Variants in BCR observed in about 807,000 individuals in gnomAD.
BCR encodes breakpoint cluster region protein.
In BCR, 58 loss-of-function variants were observed where a neutral mutation model predicts 138.6. The ratio of observed to expected loss-of-function variants is 0.42; its 90% CI spans 0.34 to 0.52. The LOEUF (loss-of-function observed/expected upper bound fraction) is 0.52. BCR is among the 20% of genes least tolerant of loss of function. The pLI is 0.06. For synonymous variants in BCR, 786 were observed against 730.1 expected (o/e 1.08, Z -1.23); for missense variants, 1,599 against 1,727.2 (o/e 0.93, Z 1.32).
At chr22:23,298,344 A>T (rs1299541717) in intron 16 of BCR, among the ~76,000 whole-genome samples, 2 of 152,130 alleles carry the variant, frequency 1.3e-5, no homozygotes, top group Non-Finnish European at 2.9e-5. Flanking sequence ...ACTTAGCAGG[A>T]TTCTTGCAAA....
intron 1 of BCR, among the ~76,000 whole-genome samples, chr22:23,194,351 T>A (rs1407036943): frequency 6.6e-6 from 1 of 152,048 alleles, no homozygotes; most frequent in Non-Finnish European, 1.5e-5. Context: ...CTCATGCTTG[T>A]AATTCCAGCA....
intron 1 of BCR, among the ~76,000 whole-genome samples, chr22:23,206,535 C>G (rs2072616106): frequency 6.6e-6 from 1 of 151,524 alleles, no homozygotes; most frequent in Admixed American, 6.6e-5. Context: ...CGAGATTGTG[C>G]CACTGCACTC....
intron 7 of BCR, 73 bp downstream of exon 7, chr22:23,273,206 A>G: frequency 6.6e-7 from 1 of 1,512,506 alleles, no homozygotes; most frequent in Non-Finnish European, 9.1e-7. Context: ...ATGTTCTGAG[A>G]CCTTTTTTTA....
chr22:23,300,688 A>G (rs1044851235), intron 16 of BCR, among the ~76,000 whole-genome samples: 1 of 152,128 alleles, frequency 6.6e-6, no homozygotes, highest in African/African-American at 2.4e-5. Context: ...TGCCACCAGG[A>G]GGGCCCCAGT....
chr22:23,280,974 G>C (rs969320364), intron 8 of BCR, among the ~76,000 whole-genome samples: 19 of 152,340 alleles, frequency 1.2e-4, no homozygotes, highest in South Asian at 4.1e-4. Flanking sequence ...CACACACACA[G>C]AAACATGGAG....
rs372115084 is a variant in BCR at position 23,211,291 on chromosome 22, G to A, written c.1279+29052G>A. Among the ~76,000 whole-genome samples the A allele has an allele frequency of 3.3e-3, 497 of 152,054 alleles. 4 individuals carry two copies. Among genetic ancestry groups the A allele is most frequent in the African/African-American group, 0.011 (470 of 41,470 alleles). ...CGGCTCACTGCAAGCTCCGCCTCCC[G>A]GGTTCACACCATTCTCCTGCCTCAG... On this transcript the variant is annotated intron_variant, in intron 1 of 22. Coordinates refer to ENST00000305877, the MANE Select transcript of BCR (RefSeq NM_004327.4).
intron 15 of BCR, among the ~76,000 whole-genome samples, chr22:23,293,951 G>A (rs1285902592): frequency 6.6e-6 from 1 of 152,210 alleles, no homozygotes; most frequent in African/African-American, 2.4e-5. Context: ...GGGTGATGGA[G>A]GAGAGAGTTA....
chr22:23,260,062 C>T (rs1484232950), intron 2 of BCR, among the ~76,000 whole-genome samples: 1 of 152,190 alleles, frequency 6.6e-6, no homozygotes, highest in South Asian at 2.1e-4. Flanking sequence ...CCTTCAGATA[C>T]GGTAACGTTC....
Position 23,289,423 on chromosome 22 carries a change from C to T in BCR, c.2603-94C>T, listed in dbSNP as rs113204703. 2.3e-5 allele frequency: 25 copies of T among 1,088,220 alleles called. No individual in the cohort carries two copies. The South Asian group carries it at 2.6e-4, about 11-fold the overall frequency. The allele number at this position is 1,088,220 out of a possible 1,614,324, so 67.4% of individuals were successfully genotyped here. ...CCTGGCACCAGTTCTTGCCGTGCCC[C>T]TTCCCCAGGGTGTGTGGTGGAGGTC... On this transcript the variant is annotated intron_variant, in intron 12 of 22. Transcript: ENST00000305877.
At chr22:23,310,772 GT>G (rs1028505224) in intron 18 of BCR, among the ~76,000 whole-genome samples, 13 of 152,338 alleles carry the variant, frequency 8.5e-5, no homozygotes, top group African/African-American at 2.9e-4. Flanking sequence ...AGAGAAGCCT[GT>G]TTGGTTTGAG....
intron 4 of BCR, chr22:23,262,995 G>A: frequency 1.1e-6 from 1 of 886,482 alleles, no homozygotes; most frequent in Non-Finnish European, 1.6e-6. Flanking sequence ...GAGCGTAGGG[G>A]CCGGGAAAGA....
chr22:23,268,871 C>T (rs1183730165), intron 5 of BCR, among the ~76,000 whole-genome samples: 2 of 152,202 alleles, frequency 1.3e-5, no homozygotes, highest in Non-Finnish European at 2.9e-5. Flanking sequence ...GCACTGGAGG[C>T]GAGGCCGGAG....
rs1220482203 is a variant in BCR, at chr22:23,259,767, C to T, written c.1462-1183C>T. 3.3e-5 allele frequency among the ~76,000 whole-genome samples: 5 copies of T among 152,096 alleles called. No homozygotes were observed. The East Asian group carries it at 5.8e-4, about 18-fold the overall frequency. On this transcript the variant is annotated intron_variant, in intron 2 of 22. Coordinates refer to ENST00000305877, the MANE Select transcript of BCR (RefSeq NM_004327.4). The stretch of plus-strand genomic sequence containing the variant: ...AACTCCTGGCCTCAGGTGATCTGCC[C>T]GCCTCGGCCTCCCAAACTGCTGGGA...
chr22:23,203,533 C>T (rs1021403385), intron 1 of BCR, among the ~76,000 whole-genome samples: 22 of 152,264 alleles, frequency 1.4e-4, no homozygotes, highest in Admixed American at 6.5e-4. Context: ...CTGGGCTCCA[C>T]GGTAATTCCC....
In BCR at chr22:23,310,861, A is replaced by G. The variant is rs1223321928; in HGVS notation, c.3182+428A>G. 2.6e-5 allele frequency among the ~76,000 whole-genome samples: 4 copies of G among 151,250 alleles called. No homozygotes were observed. In the East Asian group the frequency reaches 7.9e-4, roughly 30 times the overall value. ...AGGATGGAATCTGGCTGGGCCTCTG[A>G]CCTTGCTGGTCACGTGGGCCGGGGC... On this transcript the variant is annotated intron_variant, in intron 18 of 22. Coordinates refer to ENST00000305877, the MANE Select transcript of BCR (RefSeq NM_004327.4).
chr22:23,216,775 A>G (rs1327508471), intron 1 of BCR, among the ~76,000 whole-genome samples: 2 of 152,198 alleles, frequency 1.3e-5, no homozygotes, highest in South Asian at 4.1e-4. Context: ...AGGACTTGGT[A>G]GGGACACCGG....
chr22:23,183,822 C>T (rs534384294), intron 1 of BCR, among the ~76,000 whole-genome samples: 1 of 152,352 alleles, frequency 6.6e-6, no homozygotes, highest in East Asian at 1.9e-4. Context: ...TGGGCCCAGC[C>T]TTTCCTACAG....
At chr22:23,261,148 G>C (rs2073351758) in intron 3 of BCR, 94 bp downstream of exon 3, 2 of 1,348,048 alleles carry the variant, frequency 1.5e-6, no homozygotes, top group Non-Finnish European at 2.1e-6. Context: ...TCAGCTGTCA[G>C]AGCCTGGGTG....
chr22:23,275,738 G>A (rs1415714787), intron 8 of BCR, among the ~76,000 whole-genome samples: 1 of 152,174 alleles, frequency 6.6e-6, no homozygotes, highest in Non-Finnish European at 1.5e-5. Context: ...CCACGTGCTG[G>A]GTGGGTTCCT....
Sources: gnomAD v4.1 joint callset for allele counts (sites outside exome capture counted in the v4.1 genomes callset) on GRCh38, gnomAD v4.1.1 for gene constraint, MANE v1.5 for transcripts, NCBI Gene and HGNC (gene_info 2026-07-23, HGNC 2026-07-21) for gene names.